IPO11: variants seen among roughly 807,000 people sequenced by gnomAD.
IPO11 encodes the protein importin 11, also known as importin-11.
IPO11 carries 66 observed loss-of-function variants against 143.2 expected under a neutral mutation model. The ratio of observed to expected loss-of-function variants is 0.46; its 90% CI spans 0.38 to 0.57. The LOEUF is 0.57. IPO11 is among the 20% of genes least tolerant of loss of function. The pLI, the probability that IPO11 is intolerant of heterozygous loss-of-function variation, is 0.00. For synonymous variants in IPO11, 385 were observed against 377.8 expected, an observed-to-expected ratio of 1.02 and a Z score of -0.22; for missense variants, 1,026 against 1,141.0, an observed-to-expected ratio of 0.90 and a Z score of 1.45.
chr5:62,580,060 T>C, intron 27 of IPO11: 1 of 1,551,204 alleles, frequency 6.4e-7, no homozygotes, highest in Non-Finnish European at 8.7e-7. Context: ...AAACCTTGCT[T>C]GTTTGTATTT....
intron 19 of IPO11, among the ~76,000 whole-genome samples, chr5:62,507,592 C>G (rs1163017055): frequency 6.6e-6 from 1 of 152,090 alleles, no homozygotes; most frequent in Non-Finnish European, 1.5e-5. Flanking sequence ...TTCACATCTC[C>G]AAAATGCTTC....
At chr5:62,616,719 C>CAGAAA (rs1746151761) in intron 29 of IPO11, among the ~76,000 whole-genome samples, 3 of 84,428 alleles carry the variant, frequency 3.6e-5, no homozygotes, top group African/African-American at 1.6e-4. Flanking sequence ...GACTCTGACT[C>CAGAAA]AAAAAAAAAA....
rs906299935 is a variant in IPO11, at chr5:62,499,898, C to G, written c.1591-4769C>G. ...TAGGCCTACGCAGGGTTAGGATCAT[C>G]AATATCATTGTCTTGCACCTCCACA... is the stretch of plus-strand genomic sequence containing the variant. On this transcript the variant is annotated intron_variant, in intron 16 of 29. Transcript: ENST00000325324. 2.6e-5 allele frequency among the ~76,000 whole-genome samples: 4 copies of G among 152,148 alleles called. 1 individual carries two copies. Among genetic ancestry groups the G allele is most frequent in the Non-Finnish European group, 5.9e-5 (4 of 68,008 alleles).
chr5:62,550,028 A>G (rs893792078), intron 24 of IPO11, among the ~76,000 whole-genome samples: 4 of 152,164 alleles, frequency 2.6e-5, no homozygotes, highest in African/African-American at 4.8e-5. Context: ...TGCTGCCTCT[A>G]TTAGTGCATC....
intron 1 of IPO11, among the ~76,000 whole-genome samples, chr5:62,429,694 GCTCACTGCAAC>G (rs769840707): frequency 4.0e-5 from 6 of 151,280 alleles, no homozygotes; most frequent in African/African-American, 7.3e-5. Context: ...TGCGATCTTG[GCTCACTGCAAC>G]CTCTGCCTCC....
chr5:62,603,507 C>T (rs1195697869), intron 29 of IPO11, among the ~76,000 whole-genome samples: 5 of 152,218 alleles, frequency 3.3e-5, no homozygotes, highest in African/African-American at 4.8e-5. Flanking sequence ...TTCTGCTTTA[C>T]GGTAGTGGGT....
At chr5:62,586,767 AAATATATATATATATATATATAT>A (rs1744802165) in intron 27 of IPO11, among the ~76,000 whole-genome samples, 3 of 55,994 alleles carry the variant, frequency 5.4e-5, no homozygotes, top group African/African-American at 2.1e-4. Flanking sequence ...AAAAAAAAAA[AAATATATATATATATATATATAT>A]ATATATATAT....
At chr5:62,424,706 T>C (rs1191949517) in intron 1 of IPO11, among the ~76,000 whole-genome samples, 3 of 151,856 alleles carry the variant, frequency 2.0e-5, no homozygotes, top group African/African-American at 7.3e-5. Flanking sequence ...CCTCCCAAAT[T>C]GGTGGGATTA....
intron 9 of IPO11, among the ~76,000 whole-genome samples, chr5:62,477,188 G>A (rs147551706): frequency 2.6e-5 from 4 of 152,260 alleles, no homozygotes; most frequent in African/African-American, 4.8e-5. Context: ...TAGGGGGTGC[G>A]CTGTGGTAGG....
At chr5:62,522,578 C>T (rs1024342326) in intron 20 of IPO11, among the ~76,000 whole-genome samples, 3 of 152,176 alleles carry the variant, frequency 2.0e-5, no homozygotes, top group Non-Finnish European at 4.4e-5. Context: ...AGCCACTGCT[C>T]CCGGCCATAA....
intron 28 of IPO11, among the ~76,000 whole-genome samples, chr5:62,594,939 C>G (rs1745161076): frequency 6.6e-6 from 1 of 152,180 alleles, no homozygotes; most frequent in Non-Finnish European, 1.5e-5. Flanking sequence ...GGTCTGTATT[C>G]TGTAGTCAAT....
chr5:62,549,187 A>G (rs1350002748), intron 24 of IPO11, among the ~76,000 whole-genome samples: 3 of 152,118 alleles, frequency 2.0e-5, no homozygotes, highest in Non-Finnish European at 4.4e-5. Context: ...AGGAATTGAT[A>G]TCTTGTATAC....
rs16890803 is a variant in IPO11 at position 62,504,043 on chromosome 5, G to A, written c.1591-624G>A. Among the ~76,000 whole-genome samples, 1,454 of 152,236 alleles carry A rather than the reference G, an allele frequency of 9.6e-3. 22 individuals carry two copies. The highest frequency in any genetic ancestry group is 0.033 in the African/African-American group (1,385 of 41,554). ...GCCAATTTTAGCCGATTAAGTCTGC[G>A]ATAACACTTGAAAGAGAATGAGATT... is the stretch of plus-strand genomic sequence containing the variant. On this transcript the variant is annotated intron_variant, in intron 16 of 29. Transcript: ENST00000325324.
intron 29 of IPO11, among the ~76,000 whole-genome samples, chr5:62,616,047 G>A (rs550220595): frequency 3.3e-4 from 48 of 147,006 alleles, no homozygotes; most frequent in Middle Eastern, 3.5e-3. Flanking sequence ...GGAAGATGGG[G>A]TGGAGGGGGA....
intron 27 of IPO11, among the ~76,000 whole-genome samples, chr5:62,573,361 C>T (rs1744208604): frequency 6.6e-6 from 1 of 152,192 alleles, no homozygotes. Flanking sequence ...TCTGATCCAG[C>T]AGTAGCAAAA....
chr5:62,590,395 G>A (rs1744964723), intron 27 of IPO11, among the ~76,000 whole-genome samples: 1 of 152,140 alleles, frequency 6.6e-6, no homozygotes, highest in Admixed American at 6.5e-5. Context: ...TTATTTGGTT[G>A]TGGGTTTTAG....
chr5:62,416,929 T>A lies in IPO11; in HGVS notation c.-7+4000T>A, dbSNP rs182574886. 2.1e-4 allele frequency among the ~76,000 whole-genome samples: 32 copies of A among 151,894 alleles called. No homozygotes were observed. In the East Asian group the frequency reaches 6.0e-3, roughly 29 times the overall value. ...ATTTTTTTTTGTAGAGATGGGGTTT[T>A]GCCACATTGCCCAGGCTTGTCTCAA... On this transcript the variant is annotated intron_variant, in intron 1 of 29. Coordinates refer to ENST00000325324, the MANE Select transcript of IPO11 (RefSeq NM_016338.5).
intron 12 of IPO11, among the ~76,000 whole-genome samples, chr5:62,487,311 G>A (rs1163175317): frequency 2.6e-5 from 4 of 152,086 alleles, no homozygotes; most frequent in African/African-American, 9.6e-5. Context: ...CAGGGGAATC[G>A]CTTGAACCTG....
intron 26 of IPO11, among the ~76,000 whole-genome samples, chr5:62,555,479 A>ATTTT (rs1743543337): frequency 7.3e-6 from 1 of 137,188 alleles, no homozygotes; most frequent in African/African-American, 2.8e-5. Flanking sequence ...CACCTGGCTA[A>ATTTT]TTATTTATTT....
Sources: gnomAD v4.1 joint callset for allele counts (sites outside exome capture counted in the v4.1 genomes callset) on GRCh38, gnomAD v4.1.1 for gene constraint, MANE v1.5 for transcripts, NCBI Gene and HGNC (gene_info 2026-07-23, HGNC 2026-07-21) for gene names.